Variants in DSE observed in about 807,000 individuals in gnomAD.
The protein encoded by DSE is dermatan-sulfate epimerase.
DSE carries 36 observed loss-of-function variants against 84.4 expected under a neutral mutation model. The ratio of observed to expected loss-of-function variants is 0.43; its 90% CI spans 0.33 to 0.56. The LOEUF (loss-of-function observed/expected upper bound fraction) is 0.56, where lower values mean the gene tolerates loss of function less well. Ranked by LOEUF, DSE falls within the 20% of genes least tolerant of loss-of-function variation. The pLI is 0.06. For synonymous variants in DSE, 410 were observed against 430.1 expected (o/e 0.95, Z 0.58); for missense variants, 862 against 1,169.6 (o/e 0.74, Z 3.84).
chr6:116,339,500 TGTGAAAA>T (rs916082457), intron 2 of DSE, among the ~76,000 whole-genome samples: 2 of 152,214 alleles, frequency 1.3e-5, no homozygotes, highest in African/African-American at 4.8e-5. Context: ...GTTGTTTTAA[TGTGAAAA>T]GATCAGAGCT....
At chr6:116,403,419 A>AAATTAATAAAATTTAATAATTTTAATT (rs2115004270) in intron 2 of DSE, among the ~76,000 whole-genome samples, 1 of 151,526 alleles carries the variant, frequency 6.6e-6, no homozygotes, top group African/African-American at 2.4e-5. Context: ...AAATTTTATT[A>AAATTAATAAAATTTAATAATTTTAATT]AATTAATAAA....
chr6:116,326,174 T>A (rs978934992), intron 2 of DSE, among the ~76,000 whole-genome samples: 1 of 152,074 alleles, frequency 6.6e-6, no homozygotes. Context: ...GAGGCAGAAA[T>A]TGGGCATAAG....
At position 116,344,645 on chromosome 6, in the gene DSE, G is replaced by A. The variant is rs557912971; in HGVS notation, c.-53-54553G>A. On this transcript the variant is annotated intron_variant, in intron 2 of 3. Transcript: ENST00000430252. ...GCTCCTGAAGGAAGCACTAACCATG[G>A]AAAGGAACAACCGATATCAGCCACA... Among the ~76,000 whole-genome samples, 10 of 152,282 alleles carry A rather than the reference G, an allele frequency of 6.6e-5. No individual in the cohort carries two copies. In the South Asian group the frequency reaches 2.1e-3, roughly 32 times the overall value.
intron 1 of DSE, chr6:116,258,314 C>A: frequency 2.1e-6 from 1 of 477,142 alleles, no homozygotes; most frequent in Admixed American, 3.1e-5. Context: ...CCGGACCTGG[C>A]CAGATATTTC....
At chr6:116,340,997 T>C (rs1223358058) in intron 2 of DSE, among the ~76,000 whole-genome samples, 2 of 152,246 alleles carry the variant, frequency 1.3e-5, no homozygotes, top group Non-Finnish European at 2.9e-5. Flanking sequence ...CCTTTGCATA[T>C]ATACCCAGTA....
intron 2 of DSE, among the ~76,000 whole-genome samples, chr6:116,422,233 T>G (rs1783137775): frequency 6.6e-6 from 1 of 152,266 alleles, no homozygotes; most frequent in Admixed American, 6.5e-5. Flanking sequence ...GTTGATGTTC[T>G]TACTGATTTC....
chr6:116,359,890 G>C (rs1778792867), intron 2 of DSE, among the ~76,000 whole-genome samples: 1 of 152,164 alleles, frequency 6.6e-6, no homozygotes, highest in East Asian at 1.9e-4. Context: ...AGTTTGTTAA[G>C]CCATAGTCAT....
At chr6:116,282,165 T>C (rs1773582868) in intron 2 of DSE, among the ~76,000 whole-genome samples, 1 of 152,228 alleles carries the variant, frequency 6.6e-6, no homozygotes, top group Admixed American at 6.5e-5. Context: ...TACAGAAATA[T>C]ATAATGCATT....
At chr6:116,259,060 A>G in intron 2 of DSE, 2 of 1,552,918 alleles carry the variant, frequency 1.3e-6, no homozygotes, top group Non-Finnish European at 1.8e-6. Flanking sequence ...CTTCCCAAAG[A>G]GCTTGATGTC....
rs550186684 is a variant in DSE, at chr6:116,329,591, A to G, written c.-53-69607A>G. Among the ~76,000 whole-genome samples the G allele has an allele frequency of 2.6e-5, 4 of 152,336 alleles. No homozygotes were observed. In the South Asian group the frequency reaches 8.3e-4, roughly 32 times the overall value. ...GTATTCTTATTTTAAAGATTTCATC[A>G]CTATTTCCATATCTGTTATTTCACG... On this transcript the variant is annotated intron_variant, in intron 2 of 3. Coordinates refer to the DSE transcript ENST00000430252.
At chr6:116,279,029 TC>T (rs1773309083) in intron 2 of DSE, 1 of 1,613,784 alleles carries the variant, frequency 6.2e-7, no homozygotes, top group Admixed American at 1.7e-5. Context: ...ATGTAGTTCC[TC>T]CGCTCCAGGT....
At chr6:116,322,146 T>G (rs1192261887) in intron 2 of DSE, among the ~76,000 whole-genome samples, 1 of 152,148 alleles carries the variant, frequency 6.6e-6, no homozygotes. Context: ...GGGAGCTACA[T>G]GTACTGGTAA....
intron 2 of DSE, among the ~76,000 whole-genome samples, chr6:116,295,279 C>T (rs1176340569): frequency 6.6e-6 from 1 of 151,774 alleles, no homozygotes; most frequent in African/African-American, 2.4e-5. Context: ...GGGGAGAGAG[C>T]GGGAGAGTGG....
Position 116,399,408 on chromosome 6 carries a change from T to G in DSE, c.158T>G (p.Val53Gly). The G allele has an allele frequency of 6.2e-7, 1 of 1,614,202 alleles. No homozygotes were observed. The highest frequency in any genetic ancestry group is 8.5e-7 in the Non-Finnish European group (1 of 1,180,046). Residue 53 changes from valine to glycine, a missense_variant, in exon 2 of 6, where the codon GTG becomes GGG. Val to Gly is a moderately radical substitution (Grantham distance 109, BLOSUM62 -3). Transcript: ENST00000644252. ...ATGCTGTACTTCTCCAGGGCAGAAG[T>G]GGCGGAGCTGCAGCTCAGGGCTGCC... ...HPMLYFSRAE[V>G]AELQLRAASS... is the part of the protein sequence containing the mutation.
intron 2 of DSE, among the ~76,000 whole-genome samples, chr6:116,285,161 C>G (rs1247015976): frequency 6.6e-6 from 1 of 152,186 alleles, no homozygotes; most frequent in African/African-American, 2.4e-5. Context: ...TCCTATTTCT[C>G]CACATCGTCT....
At chr6:116,265,847 C>G (rs1337585471) in intron 2 of DSE, among the ~76,000 whole-genome samples, 1 of 152,174 alleles carries the variant, frequency 6.6e-6, no homozygotes, top group Non-Finnish European at 1.5e-5. Context: ...ACAGCCTTCC[C>G]TAGTTGTGCT....
intron 2 of DSE, among the ~76,000 whole-genome samples, chr6:116,289,558 A>G: frequency 6.6e-6 from 1 of 152,124 alleles, no homozygotes; most frequent in East Asian, 1.9e-4. Context: ...AAATATCAGA[A>G]ATTTCTTTTT....
intron 2 of DSE, among the ~76,000 whole-genome samples, chr6:116,306,104 A>G (rs6916145): frequency 0.044 from 6,678 of 152,268 alleles, 248 homozygotes; most frequent in African/African-American, 0.095. Flanking sequence ...CAGTATATAA[A>G]TGATATATGC....
At chr6:116,301,642 AT>A (rs997497052) in intron 2 of DSE, among the ~76,000 whole-genome samples, 3 of 151,832 alleles carry the variant, frequency 2.0e-5, no homozygotes, top group Admixed American at 6.6e-5. Flanking sequence ...AAAAACCAGC[AT>A]TTTTTTTAAT....
Sources: gnomAD v4.1 joint callset for allele counts (sites outside exome capture counted in the v4.1 genomes callset) on GRCh38, gnomAD v4.1.1 for gene constraint, MANE v1.5 for transcripts, NCBI Gene and HGNC (gene_info 2026-07-23, HGNC 2026-07-21) for gene names.